MTA3: variants seen among roughly 807,000 people sequenced by gnomAD.
MTA3 encodes the protein metastasis-associated protein MTA3.
Under a neutral mutation model 83.5 loss-of-function variants are expected in MTA3, and 34 were observed. That is an observed-to-expected ratio of 0.41 (90% CI 0.31 to 0.54). The LOEUF (loss-of-function observed/expected upper bound fraction) is 0.54, where lower values mean the gene tolerates loss of function less well. Ranked by LOEUF, MTA3 falls within the 20% of genes least tolerant of loss-of-function variation. MTA3 has a pLI of 0.33. For synonymous variants in MTA3, 303 were observed against 252.7 expected (o/e 1.20, Z -1.89); for missense variants, 761 against 726.4 (o/e 1.05, Z -0.55).
At chr2:42,552,762 C>T (rs1328879813) in intron 2 of MTA3, among the ~76,000 whole-genome samples, 1 of 150,958 alleles carries the variant, frequency 6.6e-6, no homozygotes, top group African/African-American at 2.4e-5. Context: ...CCATCCTGGC[C>T]AACATGGTGA....
At chr2:42,589,309 A>G (rs1680695701) in intron 3 of MTA3, among the ~76,000 whole-genome samples, 1 of 152,206 alleles carries the variant, frequency 6.6e-6, no homozygotes, top group African/African-American at 2.4e-5. Context: ...GTATTTAAAT[A>G]CATGATGCAA....
chr2:42,498,107 C>T (rs1181412604), intron 2 of MTA3, among the ~76,000 whole-genome samples: 4 of 152,208 alleles, frequency 2.6e-5, no homozygotes, highest in African/African-American at 2.4e-5. Context: ...CACTACTGTT[C>T]CATGCAGCTT....
chr2:42,597,065 C>T (rs539505578), intron 3 of MTA3, among the ~76,000 whole-genome samples: 5 of 151,566 alleles, frequency 3.3e-5, no homozygotes, highest in South Asian at 2.1e-4. Flanking sequence ...CTGCATTGCC[C>T]GGTGAATAAT....
intron 4 of MTA3, among the ~76,000 whole-genome samples, chr2:42,627,527 C>T (rs1043474480): frequency 6.6e-5 from 10 of 151,584 alleles, no homozygotes; most frequent in African/African-American, 1.7e-4. Flanking sequence ...TTCTAATGGC[C>T]CCCTCACATT....
intron 3 of MTA3, among the ~76,000 whole-genome samples, chr2:42,594,728 A>ATATATATATATATATCTTTTTTTTT: frequency 4.2e-5 from 1 of 24,044 alleles, no homozygotes; most frequent in African/African-American, 2.2e-4. Flanking sequence ...ATATATATAT[A>ATATATATATATATATCTTTTTTTTT]TTTTTTTTTT....
At position 42,548,173 on chromosome 2, in the gene MTA3, T is replaced by C. The variant is rs1002173736; in HGVS notation, c.-140-22264T>C. Among the ~76,000 whole-genome samples, 4 of 152,050 alleles carry C rather than the reference T, an allele frequency of 2.6e-5. No homozygotes were observed. The South Asian group carries it at 8.3e-4, about 31-fold the overall frequency. On this transcript the variant is annotated intron_variant, in intron 2 of 17. Coordinates refer to the MTA3 transcript ENST00000405592. ...TTTTAGTTAACCTGAGGTCTAAAAA[T>C]ATTAAAGGGGGCCGGGCGCGCTGGC...
At chr2:42,600,201 AAAAAC>A (rs1268711343) in intron 3 of MTA3, among the ~76,000 whole-genome samples, 2 of 151,894 alleles carry the variant, frequency 1.3e-5, no homozygotes, top group Non-Finnish European at 1.5e-5. Flanking sequence ...CTGTCTCAAA[AAAAAC>A]AAAACAAAAC....
At chr2:42,529,463 G>C (rs1203280362) in intron 2 of MTA3, among the ~76,000 whole-genome samples, 1 of 152,192 alleles carries the variant, frequency 6.6e-6, no homozygotes, top group Non-Finnish European at 1.5e-5. Flanking sequence ...TACTGTTTAA[G>C]CAACTGAGAG....
intron 8 of MTA3, among the ~76,000 whole-genome samples, chr2:42,669,835 A>G (rs1690634408): frequency 6.6e-6 from 1 of 152,232 alleles, no homozygotes; most frequent in Admixed American, 6.5e-5. Flanking sequence ...ACATGAATAT[A>G]GAAACATCAG....
Position 42,755,344 on chromosome 2 carries a change from GC to G in MTA3, c.*1947del. ...CTCAGCTGCCAGCTTCATTTTCTCTGCCTTTTGGGAGAGGCCCTCTCACCCA... is the reference window on the plus strand; with the variant it reads ...CTCAGCTGCCAGCTTCATTTTCTCTGCTTTTGGGAGAGGCCCTCTCACCCA... On this transcript the variant is annotated 3_prime_UTR_variant, in exon 17 of 17. Transcript: ENST00000405094. 1.0e-6 allele frequency: 1 copy of G among 985,486 alleles called. No individual in the cohort carries two copies. Among genetic ancestry groups the G allele is most frequent in the Non-Finnish European group, 1.2e-6 (1 of 830,004 alleles). 61.0% of individuals were successfully genotyped at this position (985,486 alleles called of 1,614,324 possible). A position where few individuals can be genotyped will look rare whatever the true frequency, so the allele number is the denominator to read the frequency against.
rs112147672 is a variant in MTA3, at chr2:42,499,171, C to CT, written c.-141+3930dup. Among the ~76,000 whole-genome samples, 575 of 144,542 alleles carry CT rather than the reference C, an allele frequency of 4.0e-3. 4 individuals are homozygous for CT. Among genetic ancestry groups the CT allele is most frequent in the African/African-American group, 9.8e-3 (387 of 39,690 alleles). 94.8% of individuals were successfully genotyped at this position (144,542 alleles called of 152,430 possible). On this transcript the variant is annotated intron_variant, in intron 2 of 17. Transcript: ENST00000405592. Reference sequence around the variant, plus strand: ...TTAAGCATTTGCTAAGAGGGTAGATCTTTTTTTTTTTTTGAGACGGAGTTT... The same window carrying CT: ...TTAAGCATTTGCTAAGAGGGTAGATCTTTTTTTTTTTTTTGAGACGGAGTTT...
At chr2:42,729,639 C>A (rs1558626540) in intron 16 of MTA3, among the ~76,000 whole-genome samples, 1 of 152,058 alleles carries the variant, frequency 6.6e-6, no homozygotes. Context: ...CCATTCTGTT[C>A]CATTGGTCTG....
intron 2 of MTA3, among the ~76,000 whole-genome samples, chr2:42,552,001 C>T (rs1045759339): frequency 2.0e-5 from 3 of 152,096 alleles, no homozygotes; most frequent in Non-Finnish European, 2.9e-5. Flanking sequence ...GCTGGGATTA[C>T]AAGTGTGAGC....
At chr2:42,538,799 G>A (rs1374495690) in intron 2 of MTA3, among the ~76,000 whole-genome samples, 3 of 132,528 alleles carry the variant, frequency 2.3e-5, no homozygotes, top group South Asian at 2.4e-4. Flanking sequence ...ACGGAGTCTC[G>A]CCTTGTCGCC....
At position 42,657,695 on chromosome 2, in the gene MTA3, A is replaced by C. The variant is rs59137010; in HGVS notation, c.602+1393A>C. ...GTAACCCCAGCACTTTGGGAGGCCA[A>C]GGCAGGAGGATTGTTTGAGTCCAGG... is the stretch of plus-strand genomic sequence containing the variant. On this transcript the variant is annotated intron_variant, in intron 7 of 16. Coordinates refer to ENST00000405094, the MANE Select transcript of MTA3 (RefSeq NM_001330442.2). Among the ~76,000 whole-genome samples the C allele has an allele frequency of 5.3e-3, 796 of 150,414 alleles. 8 individuals are homozygous for C. The highest frequency in any genetic ancestry group is 0.018 in the African/African-American group (752 of 41,024).
intron 16 of MTA3, among the ~76,000 whole-genome samples, chr2:42,737,372 AG>A (rs2104574877): frequency 6.6e-6 from 1 of 152,284 alleles, no homozygotes; most frequent in African/African-American, 2.4e-5. Context: ...GCACCGGCTG[AG>A]TTCTGCCTCG....
intron 2 of MTA3, among the ~76,000 whole-genome samples, chr2:42,498,415 G>C (rs913520845): frequency 6.6e-6 from 1 of 152,228 alleles, no homozygotes; most frequent in Non-Finnish European, 1.5e-5. Flanking sequence ...GCCAGGAAGA[G>C]AAAGTCTCCG....
At chr2:42,715,998 A>G (rs1666998367) in intron 14 of MTA3, among the ~76,000 whole-genome samples, 1 of 152,212 alleles carries the variant, frequency 6.6e-6, no homozygotes, top group African/African-American at 2.4e-5. Context: ...GAAATTATGT[A>G]GTGTTAACTC....
intron 2 of MTA3, among the ~76,000 whole-genome samples, chr2:42,534,161 C>T (rs1237554393): frequency 6.6e-6 from 1 of 152,024 alleles, no homozygotes; most frequent in Non-Finnish European, 1.5e-5. Context: ...CTAACATGTT[C>T]GGTAGGATTC....
Sources: gnomAD v4.1 joint callset for allele counts (sites outside exome capture counted in the v4.1 genomes callset) on GRCh38, gnomAD v4.1.1 for gene constraint, MANE v1.5 for transcripts, NCBI Gene and HGNC (gene_info 2026-07-23, HGNC 2026-07-21) for gene names.